The following NSMAF variants were observed in gnomAD, a reference collection of about 807,000 sequenced individuals.
NSMAF encodes the protein neutral sphingomyelinase activation associated factor.
In NSMAF, 90 loss-of-function variants were observed where a neutral mutation model predicts 134.9. The ratio of observed to expected loss-of-function variants is 0.67; its 90% CI spans 0.56 to 0.79. The LOEUF is 0.79. NSMAF is among the 30% of genes least tolerant of loss of function. The probability of loss-of-function intolerance (pLI) is 0.00; values close to 1 mark genes in which losing one functional copy is unlikely to be tolerated. For missense variants in NSMAF, 1,010 were observed against 1,119.0 expected, an observed-to-expected ratio of 0.90 and a Z score of 1.39; for synonymous variants, 358 against 389.6, an observed-to-expected ratio of 0.92 and a Z score of 0.96.
intron 30 of NSMAF, among the ~76,000 whole-genome samples, chr8:58,585,250 G>A (rs939032680): frequency 6.6e-6 from 1 of 151,676 alleles, no homozygotes; most frequent in Non-Finnish European, 1.5e-5. Context: ...AGGAGGACTG[G>A]GAGGTAGGAG....
intron 12 of NSMAF, 82 bp from the exon 13 acceptor site, chr8:58,603,468 A>T (rs1177906015): frequency 1.6e-6 from 2 of 1,266,042 alleles, no homozygotes; most frequent in Admixed American, 2.3e-5. Flanking sequence ...CGTGTAGACC[A>T]TCCCTGTGCA....
chr8:58,609,572 C>A (rs769452501), intron 10 of NSMAF, 32 bp downstream of exon 10: 2 of 1,612,300 alleles, frequency 1.2e-6, no homozygotes, highest in Non-Finnish European at 1.7e-6. Context: ...TAAACATGGG[C>A]AGCTCCCCAC....
At chr8:58,638,967 C>T (rs555973645) in intron 2 of NSMAF, among the ~76,000 whole-genome samples, 1 of 152,112 alleles carries the variant, frequency 6.6e-6, no homozygotes, top group South Asian at 2.1e-4. Context: ...AGGCAGAGGA[C>T]CTGAATAGAC....
chr8:58,655,112 T>C (rs1807673165), intron 1 of NSMAF, among the ~76,000 whole-genome samples: 1 of 152,192 alleles, frequency 6.6e-6, no homozygotes, highest in East Asian at 1.9e-4. Context: ...GTTCTGGGAC[T>C]ACAGGCATGA....
At chr8:58,626,351 C>T (rs1282586544) in intron 6 of NSMAF, among the ~76,000 whole-genome samples, 1 of 152,164 alleles carries the variant, frequency 6.6e-6, no homozygotes, top group East Asian at 1.9e-4. Flanking sequence ...ACCTTGGCCT[C>T]CCAAAGTGCT....
chr8:58,659,303 C>T, intron 1 of NSMAF: 1 of 1,525,408 alleles, frequency 6.6e-7, no homozygotes, highest in Non-Finnish European at 8.8e-7. Context: ...CCGGATAGCT[C>T]GGCATGCCTC....
chr8:58,636,761 C>T lies in NSMAF; in HGVS notation c.150-1215G>A, dbSNP rs542391348. Among the ~76,000 whole-genome samples the T allele has an allele frequency of 3.9e-4, 60 of 152,284 alleles. 1 individual carries two copies. The South Asian group carries it at 5.0e-3, about 13-fold the overall frequency. On this transcript the variant is annotated intron_variant, in intron 2 of 30. Transcript: ENST00000038176. ...AGAACAAGTGGCAGCTCAGATATGG[C>T]CCAAGGGCTGTAGTTTGCCAAGCCC...
chr8:58,612,070 T>A (rs968963629), intron 9 of NSMAF, among the ~76,000 whole-genome samples: 1 of 152,198 alleles, frequency 6.6e-6, no homozygotes, highest in Non-Finnish European at 1.5e-5. Context: ...TTGGTCCTGA[T>A]TCCTGACATA....
At chr8:58,640,858 C>A (rs1366821677) in intron 2 of NSMAF, among the ~76,000 whole-genome samples, 1 of 151,990 alleles carries the variant, frequency 6.6e-6, no homozygotes, top group Non-Finnish European at 1.5e-5. Flanking sequence ...TGAACCACCA[C>A]ACCTGAACTG....
intron 16 of NSMAF, among the ~76,000 whole-genome samples, chr8:58,600,451 C>T (rs1379757053): frequency 6.6e-6 from 1 of 151,774 alleles, no homozygotes; most frequent in African/African-American, 2.4e-5. Flanking sequence ...GGTGAAACCT[C>T]ATCTCTACTA....
At chr8:58,595,377 T>C (rs1464732438) in intron 22 of NSMAF, among the ~76,000 whole-genome samples, 183 bp downstream of exon 22, 1 of 152,162 alleles carries the variant, frequency 6.6e-6, no homozygotes, top group African/African-American at 2.4e-5. Flanking sequence ...GTGCCAAACT[T>C]TCCCTACTAC....
chr8:58,584,932 C>T (rs1805850159), intron 30 of NSMAF, among the ~76,000 whole-genome samples: 1 of 152,160 alleles, frequency 6.6e-6, no homozygotes, highest in African/African-American at 2.4e-5. Flanking sequence ...CTGGCCCAGA[C>T]TTTTTAAGGT....
intron 1 of NSMAF, among the ~76,000 whole-genome samples, chr8:58,646,576 A>G (rs996445151): frequency 6.6e-6 from 1 of 152,200 alleles, no homozygotes; most frequent in Non-Finnish European, 1.5e-5. Flanking sequence ...TATTGTTTGA[A>G]GTAAAGGATT....
chr8:58,641,346 AC>A (rs1431894502), intron 2 of NSMAF, among the ~76,000 whole-genome samples: 1 of 152,252 alleles, frequency 6.6e-6, no homozygotes, highest in Non-Finnish European at 1.5e-5. Context: ...AACGAAAGTT[AC>A]AAAATAAGGT....
chr8:58,589,247 AT>A (rs1805968546), intron 26 of NSMAF, among the ~76,000 whole-genome samples: 1 of 147,924 alleles, frequency 6.8e-6, no homozygotes, highest in Non-Finnish European at 1.5e-5. Flanking sequence ...TTATAGATAT[AT>A]TTTATATGTA....
At chr8:58,648,219 G>C (rs945448857) in intron 1 of NSMAF, among the ~76,000 whole-genome samples, 3 of 152,178 alleles carry the variant, frequency 2.0e-5, no homozygotes, top group African/African-American at 7.2e-5. Flanking sequence ...GACTTAGGTA[G>C]GGTATGTGGC....
At chr8:58,644,412 G>C (rs1041902837) in intron 1 of NSMAF, among the ~76,000 whole-genome samples, 9 of 152,168 alleles carry the variant, frequency 5.9e-5, no homozygotes, top group African/African-American at 2.2e-4. Context: ...GCACCACTCA[G>C]GAGAAAACCA....
At chr8:58,611,489 T>C (rs576838264) in intron 9 of NSMAF, among the ~76,000 whole-genome samples, 103 of 152,240 alleles carry the variant, frequency 6.8e-4, no homozygotes, top group African/African-American at 2.3e-3. Context: ...GCCATGATTA[T>C]GCCACTGCAC....
At chr8:58,638,978 A>G (rs1452633727) in intron 2 of NSMAF, among the ~76,000 whole-genome samples, 1 of 152,214 alleles carries the variant, frequency 6.6e-6, no homozygotes, top group Admixed American at 6.5e-5. Context: ...CTGAATAGAC[A>G]TATCTCAAAA....
Sources: gnomAD v4.1 joint callset for allele counts (sites outside exome capture counted in the v4.1 genomes callset) on GRCh38, gnomAD v4.1.1 for gene constraint, MANE v1.5 for transcripts, NCBI Gene and HGNC (gene_info 2026-07-23, HGNC 2026-07-21) for gene names.